Variants in RTN1 observed in about 807,000 individuals in gnomAD.
RTN1 encodes reticulon 1.
A neutral mutation model predicts 65.5 loss-of-function variants in RTN1; 25 were observed. That is an observed-to-expected ratio of 0.38 (90% CI 0.28 to 0.53). The LOEUF (loss-of-function observed/expected upper bound fraction) is 0.53, where lower values mean the gene tolerates loss of function less well. Among genes scored for constraint, RTN1 ranks in the 20% least tolerant of loss-of-function variants. The pLI is 0.79. For synonymous variants in RTN1, 471 were observed against 447.6 expected (o/e 1.05, Z -0.66); for missense variants, 983 against 1,025.4 (o/e 0.96, Z 0.57).
intron 3 of RTN1, among the ~76,000 whole-genome samples, chr14:59,664,716 C>A (rs1883328610): frequency 6.6e-6 from 1 of 152,104 alleles, no homozygotes. Flanking sequence ...TTCTGAGTAA[C>A]ATTCCATGTT....
At chr14:59,611,443 G>A (rs998705395) in intron 3 of RTN1, among the ~76,000 whole-genome samples, 2 of 152,196 alleles carry the variant, frequency 1.3e-5, no homozygotes, top group South Asian at 2.1e-4. Context: ...CAGGGTGACT[G>A]TAGCCCCATG....
intron 1 of RTN1, among the ~76,000 whole-genome samples, chr14:59,765,061 T>C (rs567948333): frequency 1.8e-4 from 28 of 152,322 alleles, no homozygotes; most frequent in African/African-American, 5.8e-4. Context: ...CTTCATTTTT[T>C]ACTTTGCAGT....
intron 3 of RTN1, among the ~76,000 whole-genome samples, chr14:59,702,822 C>G (rs900038541): frequency 6.6e-6 from 1 of 152,208 alleles, no homozygotes; most frequent in African/African-American, 2.4e-5. Context: ...GGTCCCATTG[C>G]ACTCCAGTGA....
At chr14:59,672,382 T>C (rs900846184) in intron 3 of RTN1, among the ~76,000 whole-genome samples, 2 of 152,206 alleles carry the variant, frequency 1.3e-5, no homozygotes, top group African/African-American at 4.8e-5. Flanking sequence ...CAGTGCAGGA[T>C]CTCAAAAAAT....
intron 3 of RTN1, among the ~76,000 whole-genome samples, chr14:59,654,433 A>G (rs75134645): frequency 1.6e-3 from 88 of 54,256 alleles, no homozygotes; most frequent in African/African-American, 2.9e-3. Flanking sequence ...TGTCTCTGTG[A>G]AAAAAAAAAA....
At chr14:59,731,727 AG>A (rs1884900731) in intron 2 of RTN1, among the ~76,000 whole-genome samples, 1 of 152,170 alleles carries the variant, frequency 6.6e-6, no homozygotes, top group Admixed American at 6.5e-5. Context: ...TCTTCTCAAC[AG>A]TATTTGACAC....
At position 59,816,501 on chromosome 14, in the gene RTN1, G is replaced by A. The variant is rs1341316894; in HGVS notation, c.241+53889C>T. 6.6e-6 allele frequency among the ~76,000 whole-genome samples: 1 copy of A among 152,110 alleles called. No individual in the cohort carries two copies. The highest frequency in any genetic ancestry group is 1.5e-5 in the Non-Finnish European group (1 of 68,026). On this transcript the variant is annotated intron_variant, in intron 1 of 8. Coordinates refer to ENST00000267484, the MANE Select transcript of RTN1 (RefSeq NM_021136.3). The surrounding 1 kb of genome is among the most constrained non-coding windows in gnomAD (Gnocchi z 4.3). ...ACACAGCACCTGAGACACAGTAGGA[G>A]GCTTAATAAATATTTATTGCACATA...
At chr14:59,598,272 G>A (rs888254662) in intron 8 of RTN1, among the ~76,000 whole-genome samples, 1 of 152,162 alleles carries the variant, frequency 6.6e-6, no homozygotes, top group Non-Finnish European at 1.5e-5. Flanking sequence ...CATAGGCTAG[G>A]ATTAGAAGAA....
At chr14:59,819,560 C>T (rs1886899038) in intron 1 of RTN1, among the ~76,000 whole-genome samples, 1 of 151,744 alleles carries the variant, frequency 6.6e-6, no homozygotes, top group South Asian at 2.1e-4. Flanking sequence ...CTGCCAGGGC[C>T]GTGGGTGGAG....
In RTN1 at chr14:59,631,978, CA is replaced by C. The variant is rs1382895570; in HGVS notation, c.1766-24487del. On this transcript the variant is annotated intron_variant, in intron 3 of 8. Transcript: ENST00000267484. ...GATCAAAATCTACATTTGCATACCC[CA>C]CACCAGCATGGGCCTAAGGACAGTA... Among the ~76,000 whole-genome samples, 5 of 152,314 alleles carry C rather than the reference CA, an allele frequency of 3.3e-5. No homozygotes were observed. The East Asian group carries it at 9.6e-4, about 29-fold the overall frequency.
At chr14:59,684,660 C>A (rs974583761) in intron 3 of RTN1, among the ~76,000 whole-genome samples, 3 of 151,950 alleles carry the variant, frequency 2.0e-5, no homozygotes, top group African/African-American at 7.2e-5. Flanking sequence ...TGTATTCCAT[C>A]CTCTTCCCTG....
At chr14:59,832,302 T>C (rs1177699502) in intron 1 of RTN1, among the ~76,000 whole-genome samples, 1 of 152,112 alleles carries the variant, frequency 6.6e-6, no homozygotes, top group Non-Finnish European at 1.5e-5. Context: ...AAAATAAAGT[T>C]CCCTACATCT....
chr14:59,781,454 G>C (rs1425796768), intron 1 of RTN1, among the ~76,000 whole-genome samples: 1 of 151,892 alleles, frequency 6.6e-6, no homozygotes, highest in East Asian at 2.0e-4. Flanking sequence ...AACAGTAAGT[G>C]GAACATAAAC....
chr14:59,708,401 C>T (rs1884344570), intron 3 of RTN1, among the ~76,000 whole-genome samples: 1 of 152,226 alleles, frequency 6.6e-6, no homozygotes, highest in Non-Finnish European at 1.5e-5. Context: ...TGAAATACAG[C>T]TGACATTGCA....
In RTN1 at chr14:59,803,628, A is replaced by G. The variant is rs186362868; in HGVS notation, c.242-57147T>C. On this transcript the variant is annotated intron_variant, in intron 1 of 8. Coordinates refer to ENST00000267484, the MANE Select transcript of RTN1 (RefSeq NM_021136.3). This position sits in a 1 kb window ranked among gnomAD's most constrained non-coding sequence, Gnocchi z 5.6. ...CTCAGAGAAGACAAGAGGTAAAAGT[A>G]TTAATGTGACCCACTTCTATTCATC... is the stretch of plus-strand genomic sequence containing the variant. Among the ~76,000 whole-genome samples, 1 of 152,340 alleles carries G rather than the reference A, an allele frequency of 6.6e-6. No individual in the cohort carries two copies. The highest frequency in any genetic ancestry group is 2.4e-5 in the African/African-American group (1 of 41,582).
At chr14:59,858,348 A>AT (rs1887646170) in intron 1 of RTN1, among the ~76,000 whole-genome samples, 1 of 152,072 alleles carries the variant, frequency 6.6e-6, no homozygotes, top group South Asian at 2.1e-4. Context: ...AGAAGCCCTG[A>AT]TTTTTTCAGA....
intron 3 of RTN1, 39 bp downstream of exon 3, chr14:59,726,880 G>A (rs913025777): frequency 6.4e-7 from 1 of 1,557,544 alleles, no homozygotes; most frequent in South Asian, 1.2e-5. Context: ...CACCCAGAGG[G>A]AGGACACTAA....
At position 59,870,276 on chromosome 14, in the gene RTN1, C is replaced by T. The variant is rs2139685195; in HGVS notation, c.241+114G>A. On this transcript the variant is annotated intron_variant, in intron 1 of 8. Coordinates refer to ENST00000267484, the MANE Select transcript of RTN1 (RefSeq NM_021136.3). The surrounding 1 kb of genome is among the most constrained non-coding windows in gnomAD (Gnocchi z 5.1). ...GCCCGTGGCGACGCGGGGGTGGGGT[C>T]GGCGCTCAAGGCAGAAAGCGCGAGG... The T allele has an allele frequency of 9.2e-7, 1 of 1,087,640 alleles. No individual in the cohort carries two copies. The highest frequency in any genetic ancestry group is 1.2e-6 in the Non-Finnish European group (1 of 838,794). The allele number at this position is 1,087,640 out of a possible 1,614,324, so 67.4% of individuals were successfully genotyped here.
At chr14:59,674,838 C>T (rs1883588611) in intron 3 of RTN1, among the ~76,000 whole-genome samples, 1 of 152,094 alleles carries the variant, frequency 6.6e-6, no homozygotes, top group African/African-American at 2.4e-5. Flanking sequence ...GATTAAAAGA[C>T]AAAGTTATCT....
Sources: allele counts gnomAD v4.1 joint callset (sites outside exome capture counted in the v4.1 genomes callset), GRCh38; gene constraint gnomAD v4.1.1; non-coding constraint Gnocchi (gnomAD v3.1); transcripts MANE v1.5; gene names NCBI Gene and HGNC (gene_info 2026-07-23, HGNC 2026-07-21).